The following SEBOX variants were observed in gnomAD, a reference collection of about 807,000 sequenced individuals.
The protein encoded by SEBOX is SEBOX homeobox.
Under a neutral mutation model 7.8 loss-of-function variants are expected in SEBOX, and 10 were observed. The ratio of observed to expected loss-of-function variants is 1.28; its 90% CI spans 0.79 to 2.17. SEBOX has a LOEUF of 2.17. SEBOX is among the 30% of genes most tolerant of loss of function. The probability of loss-of-function intolerance (pLI) is 0.00; values close to 1 mark genes in which losing one functional copy is unlikely to be tolerated. For synonymous variants in SEBOX, 98 were observed against 91.5 expected (o/e 1.07, Z -0.40); for missense variants, 240 against 239.5 (o/e 1.00, Z -0.01).
At chr17:28,364,981 T>A (rs1232805371) in intron 1 of SEBOX, 26 bp from the exon 2 acceptor site, 1 of 1,599,096 alleles carries the variant, frequency 6.3e-7, no homozygotes, top group Non-Finnish European at 8.5e-7. Flanking sequence ...GGGGTCAAGC[T>A]GGGACTCCCT....
Position 28,364,634 on chromosome 17 carries a change from C to T in SEBOX, c.207G>A (p.Lys69=). 6.5e-7 allele frequency: 1 copy of T among 1,545,924 alleles called. No homozygotes were observed. Among genetic ancestry groups the T allele is most frequent in the Non-Finnish European group, 8.7e-7 (1 of 1,149,394 alleles). The part of the protein sequence containing the change: ...PEAKVQVWFQ[K]RWAKIIKNRK... The stretch of plus-strand genomic sequence containing the variant: ...TGTTCTTGATTATTTTGGCCCAGCG[C>T]TTCTGGAACCACACCTGCTAGGAAA... The change falls in exon 3 of 3, where the codon AAG becomes AAA. Residue 69 remains lysine, a synonymous_variant. Coordinates refer to ENST00000536498, the MANE Select transcript of SEBOX (RefSeq NM_001080837.4).
rs782687066 is a variant in SEBOX at position 28,364,470 on chromosome 17, ACTGAGGTGCG to A, written c.361_370del (p.Arg121CysfsTer12). 6.2e-6 allele frequency: 10 copies of A among 1,604,988 alleles called. No homozygotes were observed. The highest frequency in any genetic ancestry group is 2.2e-5 in the East Asian group (1 of 44,740). ...AGCTGGACAGGAGCTATGTCGACACACTGAGGTGCGCTGAGGTGTGCCGCTGGAGGGTGGA... is the reference window on the plus strand; with the variant it reads ...AGCTGGACAGGAGCTATGTCGACACACTGAGGTGTGCCGCTGGAGGGTGGA... On this transcript the variant is annotated frameshift_variant, in exon 3 of 3. Transcript: ENST00000536498. LOFTEE classifies it low-confidence loss of function (END_TRUNC).
In SEBOX at chr17:28,364,952, C is replaced by A; in HGVS notation, c.35G>T (p.Gly12Val). ...PSPVDASSAD[G>V]GSGLGSHRRK... ...CCGGTGGGAACCCAACCCGCTGCCA[C>A]CGTCTGCAGGCCATGGTGGGGGTCA... Residue 12 changes from glycine to valine, a missense_variant, in exon 2 of 3, where the codon GGT becomes GTT. Transcript: ENST00000536498. 6.2e-7 allele frequency: 1 copy of A among 1,609,622 alleles called. No homozygotes were observed. Among genetic ancestry groups the A allele is most frequent in the Non-Finnish European group, 8.5e-7 (1 of 1,178,278 alleles).
rs1555582557 is a variant in SEBOX at position 28,363,993 on chromosome 17, T to C, written c.*275A>G. The stretch of plus-strand genomic sequence containing the variant: ...AAACATGACCCTCATCTCATCCTTC[T>C]GAAGGTACCACCTGCCACAACAATG... On this transcript the variant is annotated 3_prime_UTR_variant, in exon 3 of 3. Transcript: ENST00000536498. Among the ~76,000 whole-genome samples the C allele has an allele frequency of 2.0e-5, 3 of 152,140 alleles. No individual in the cohort carries two copies. The highest frequency in any genetic ancestry group is 7.2e-5 in the African/African-American group (3 of 41,430).
chr17:28,365,142 G>A lies in SEBOX; in HGVS notation c.10C>T (p.Pro4Ser), dbSNP rs980971009. 2 of 1,609,984 alleles carry A rather than the reference G, an allele frequency of 1.2e-6. No individual in the cohort carries two copies. The highest frequency in any genetic ancestry group is 8.5e-7 in the Non-Finnish European group (1 of 1,178,150). ...TCACCTGCTGAGGATGCATCCACAG[G>A]GCTGGGCATGGAGCTGGCAAAGGGT... Reference protein sequence around the residue: MPSPVDASSADGGS... With the variant: MPSSVDASSADGGS... Residue 4 changes from proline (P) to serine (S), a missense_variant, in exon 1 of 3, where the codon CCT (proline) becomes TCT (serine). Pro to Ser is a moderately conservative substitution (Grantham distance 74). Coordinates refer to ENST00000536498, the MANE Select transcript of SEBOX (RefSeq NM_001080837.4).
In SEBOX at chr17:28,364,583, C is replaced by A; in HGVS notation, c.258G>T (p.Gly86=). The change falls in exon 3 of 3, where the codon GGG becomes GGT. Residue 86 remains glycine, a synonymous_variant. Coordinates refer to ENST00000536498, the MANE Select transcript of SEBOX (RefSeq NM_001080837.4). ...KNRKSGILSP[G]SECPQSSCSL... Reference sequence around the variant, plus strand: ...AACAGGAGCTCTGGGGGCACTCAGACCCAGGGCTTAGAATTCCTGACTTCC... The same window carrying A: ...AACAGGAGCTCTGGGGGCACTCAGAACCAGGGCTTAGAATTCCTGACTTCC... 6.4e-7 allele frequency: 1 copy of A among 1,554,384 alleles called. No individual in the cohort carries two copies. Among genetic ancestry groups the A allele is most frequent in the South Asian group, 1.2e-5 (1 of 81,044 alleles).
At chr17:28,364,742 G>T in intron 2 of SEBOX, 53 bp downstream of exon 2, 6 of 1,606,104 alleles carry the variant, frequency 3.7e-6, no homozygotes, top group Non-Finnish European at 5.1e-6. Flanking sequence ...CCCAGCGAAG[G>T]GGCTGTGGGC....
Position 28,364,436 on chromosome 17 carries a change from C to A in SEBOX, c.405G>T (p.Leu135Phe). The A allele has an allele frequency of 6.3e-7, 1 of 1,596,996 alleles. No homozygotes were observed. Among genetic ancestry groups the A allele is most frequent in the Admixed American group, 1.8e-5 (1 of 55,820 alleles). Residue 135 changes from leucine to phenylalanine, a missense_variant, in exon 3 of 3, where the codon TTG becomes TTT. By Grantham distance (22) the Leu-to-Phe change is conservative. Coordinates refer to ENST00000536498, the MANE Select transcript of SEBOX (RefSeq NM_001080837.4). ...CCCCTTCCCAGCCCTGCCGTGGACT[C>A]AAGCCAGGAGCTGGACAGGAGCTAT... Reference protein sequence around the residue: ...CRHSSCPAPGLSPRQGWEGAK... With the variant: ...CRHSSCPAPGFSPRQGWEGAK...
Position 28,364,886 on chromosome 17 carries a change from A to G in SEBOX, c.101T>C (p.Leu34Pro). ...GGGCCATGCTGCAAACGCCCTCTCC[A>G]GCTCCAGTAGCTGCCCTTTGCTGAA... is the stretch of plus-strand genomic sequence containing the variant. ...TTFSKGQLLE[L>P]ERAFAAWPYP... The change falls in exon 2 of 3, where the codon CTG becomes CCG. Residue 34 changes from leucine to proline, a missense_variant. Physicochemically the swap from Leu to Pro is moderately conservative, Grantham distance 98 (BLOSUM62 -3). Coordinates refer to ENST00000536498, the MANE Select transcript of SEBOX (RefSeq NM_001080837.4). 1 of 1,613,768 alleles carries G rather than the reference A, an allele frequency of 6.2e-7. No individual in the cohort carries two copies. Among genetic ancestry groups the G allele is most frequent in the Admixed American group, 1.7e-5 (1 of 59,996 alleles).
rs1282684530 is a variant in SEBOX, at chr17:28,363,899, C to T, written c.*369G>A. On this transcript the variant is annotated 3_prime_UTR_variant, in exon 3 of 3. Transcript: ENST00000536498. Reference sequence around the variant, plus strand: ...TGGAGAGACCTCAGGAGACAGGAGCCTGCCCCTTCAGAAGGAGGAGGCCAT... The same window carrying T: ...TGGAGAGACCTCAGGAGACAGGAGCTTGCCCCTTCAGAAGGAGGAGGCCAT... Among the ~76,000 whole-genome samples the T allele has an allele frequency of 2.0e-5, 3 of 152,208 alleles. No individual in the cohort carries two copies. The highest frequency in any genetic ancestry group is 4.4e-5 in the Non-Finnish European group (3 of 68,042).
rs111302947 is a variant in SEBOX, at chr17:28,365,184, G to A, written c.-33C>T. On this transcript the variant is annotated 5_prime_UTR_variant, in exon 1 of 3. It adds an upstream start codon to the 5' untranslated region. Transcript: ENST00000536498. Reference sequence around the variant, plus strand: ...GCAAAGGGTAAGGTGCCAGAGGGCCGTGCCAGAGGGCCATGCCAGGGCTGT... The same window carrying A: ...GCAAAGGGTAAGGTGCCAGAGGGCCATGCCAGAGGGCCATGCCAGGGCTGT... 1.3e-3 allele frequency: 2,046 copies of A among 1,612,076 alleles called. 31 individuals are homozygous for A. In the African/African-American group the frequency reaches 0.024, roughly 19 times the overall value.
chr17:28,363,927 G>T lies in SEBOX; in HGVS notation c.*341C>A, dbSNP rs1398107192. On this transcript the variant is annotated 3_prime_UTR_variant, in exon 3 of 3. Transcript: ENST00000536498. The stretch of plus-strand genomic sequence containing the variant: ...CCCCTTCAGAAGGAGGAGGCCATCA[G>T]CTGGTGAGAACTGGGGACCAGGCCT... Among the ~76,000 whole-genome samples, 5 of 152,180 alleles carry T rather than the reference G, an allele frequency of 3.3e-5. No individual in the cohort carries two copies. The highest frequency in any genetic ancestry group is 4.8e-5 in the African/African-American group (2 of 41,432).
At chr17:28,364,757 C>T in intron 2 of SEBOX, 38 bp downstream of exon 2, 1 of 1,611,728 alleles carries the variant, frequency 6.2e-7, no homozygotes, top group Non-Finnish European at 8.5e-7. Flanking sequence ...GTGGGCCAAG[C>T]CTAGATGTTG....
rs2067895108 is a variant in SEBOX, at chr17:28,364,822, G to A, written c.165C>T (p.Val55=). 1 of 1,613,942 alleles carries A rather than the reference G, an allele frequency of 6.2e-7. No individual in the cohort carries two copies. Among genetic ancestry groups the A allele is most frequent in the Non-Finnish European group, 8.5e-7 (1 of 1,179,880 alleles). ...GTACCTTGGCCTCAGGAAGGCAAGT[G>A]ACCCAGGCCAGGTGCTCATGGGTGC... ...NISTHEHLAW[V]TCLPEAKVQV... is the part of the protein sequence containing the mutation. The change falls in exon 2 of 3, where the codon GTC becomes GTT. Residue 55 remains valine, a synonymous_variant. Transcript: ENST00000536498.
At chr17:28,364,701 G>A in intron 2 of SEBOX, 53 bp from the exon 3 acceptor site, 1 of 1,579,312 alleles carries the variant, frequency 6.3e-7, no homozygotes, top group East Asian at 2.2e-5. Flanking sequence ...CCTCCACCCA[G>A]GGACAGGGGA....
At position 28,364,957 on chromosome 17, in the gene SEBOX, T is replaced by G. The variant is rs782374363; in HGVS notation, c.32-2A>C. 1 of 1,608,420 alleles carries G rather than the reference T, an allele frequency of 6.2e-7. No homozygotes were observed. Among genetic ancestry groups the G allele is most frequent in the South Asian group, 1.1e-5 (1 of 90,194 alleles). On this transcript the variant is annotated splice_acceptor_variant, in intron 1 of 2. Coordinates refer to ENST00000536498, the MANE Select transcript of SEBOX (RefSeq NM_001080837.4). LOFTEE classifies it high-confidence loss of function. ...GGGAACCCAACCCGCTGCCACCGTCTGCAGGCCATGGTGGGGGTCAAGCTG... is the reference window on the plus strand; with the variant it reads ...GGGAACCCAACCCGCTGCCACCGTCGGCAGGCCATGGTGGGGGTCAAGCTG...
rs2067894814 is a variant in SEBOX at position 28,364,793 on chromosome 17, A to T, written c.192+2T>A. ...GCTGTGTGAGAAGGGGTCACAGCTC[A>T]CCTGTACCTTGGCCTCAGGAAGGCA... On this transcript the variant is annotated splice_donor_variant, in intron 2 of 2. Coordinates refer to ENST00000536498, the MANE Select transcript of SEBOX (RefSeq NM_001080837.4). LOFTEE classifies it high-confidence loss of function. 1.9e-6 allele frequency: 3 copies of T among 1,613,694 alleles called. No homozygotes were observed. In the Admixed American group the frequency reaches 5.0e-5, roughly 27 times the overall value.
rs1022547141 is a variant in SEBOX at position 28,364,071 on chromosome 17, T to A, written c.*197A>T. ...TGGGGTGGCAGGAGCCAGGCCCCAG[T>A]CTGCTTAGGACCTGCATCTAGGCTG... is the stretch of plus-strand genomic sequence containing the variant. On this transcript the variant is annotated 3_prime_UTR_variant, in exon 3 of 3. Transcript: ENST00000536498. 1.5e-4 allele frequency among the ~76,000 whole-genome samples: 23 copies of A among 152,206 alleles called. No homozygotes were observed. The highest frequency in any genetic ancestry group is 3.2e-3 in the Middle Eastern group (1 of 316).
rs1555582555 is a variant in SEBOX, at chr17:28,363,984, T to G, written c.*284A>C. Among the ~76,000 whole-genome samples the G allele has an allele frequency of 6.6e-6, 1 of 152,158 alleles. No homozygotes were observed. The highest frequency in any genetic ancestry group is 1.5e-5 in the Non-Finnish European group (1 of 68,030). ...AGTGGAGGAAAACATGACCCTCATC[T>G]CATCCTTCTGAAGGTACCACCTGCC... is the stretch of plus-strand genomic sequence containing the variant. On this transcript the variant is annotated 3_prime_UTR_variant, in exon 3 of 3. Coordinates refer to ENST00000536498, the MANE Select transcript of SEBOX (RefSeq NM_001080837.4).
Sources: gnomAD v4.1 joint callset for allele counts (sites outside exome capture counted in the v4.1 genomes callset) on GRCh38, gnomAD v4.1.1 for gene constraint, MANE v1.5 for transcripts, NCBI Gene and HGNC (gene_info 2026-07-23, HGNC 2026-07-21) for gene names.